Variants in GUCY1A2 observed in about 807,000 individuals in gnomAD.
GUCY1A2 encodes the protein guanylate cyclase 1 soluble subunit alpha 2.
A neutral mutation model predicts 63.5 loss-of-function variants in GUCY1A2; 27 were observed. That is an observed-to-expected ratio of 0.43 (90% CI 0.31 to 0.59). GUCY1A2 has a LOEUF of 0.59. GUCY1A2 is among the 20% of genes least tolerant of loss of function. GUCY1A2 has a pLI of 0.11. For missense variants in GUCY1A2, 768 were observed against 913.3 expected (o/e 0.84, Z 2.05); for synonymous variants, 364 against 343.5 (o/e 1.06, Z -0.66).
chr11:106,826,025 T>A (rs1050623303), intron 4 of GUCY1A2, among the ~76,000 whole-genome samples: 2 of 152,192 alleles, frequency 1.3e-5, no homozygotes, highest in African/African-American at 4.8e-5. Context: ...ACCACAGCCA[T>A]ATTTTGACAT....
At chr11:106,741,937 A>G (rs1412724394) in intron 6 of GUCY1A2, among the ~76,000 whole-genome samples, 4 of 152,346 alleles carry the variant, frequency 2.6e-5, no homozygotes, top group East Asian at 1.9e-4. Context: ...CTAGACAGAT[A>G]AAACTGAATG....
chr11:106,973,873 T>C (rs971696175), intron 3 of GUCY1A2, among the ~76,000 whole-genome samples: 5 of 152,180 alleles, frequency 3.3e-5, no homozygotes, highest in Non-Finnish European at 7.4e-5. Context: ...TTGTTTGTTA[T>C]ATACCATGCT....
chr11:106,754,588 G>A (rs1451997678), intron 6 of GUCY1A2, among the ~76,000 whole-genome samples: 1 of 152,130 alleles, frequency 6.6e-6, no homozygotes, highest in Non-Finnish European at 1.5e-5. Context: ...TTCGTCGACG[G>A]TCTTTTCTGC....
Position 106,914,327 on chromosome 11 carries a change from GT to G in GUCY1A2, c.1206+25132del, listed in dbSNP as rs1316839850. On this transcript the variant is annotated intron_variant, in intron 4 of 7. Transcript: ENST00000526355. ...GCCACTCCTAATGTACATAATTAAT[GT>G]GAAAGTGACCCTACTTTATAAGTTT... is the stretch of plus-strand genomic sequence containing the variant. 6.6e-4 allele frequency among the ~76,000 whole-genome samples: 101 copies of G among 152,158 alleles called. 1 individual carries two copies. Among genetic ancestry groups the G allele is most frequent in the African/African-American group, 2.3e-3 (94 of 41,518 alleles).
chr11:106,959,304 T>G (rs1861029968), intron 3 of GUCY1A2, among the ~76,000 whole-genome samples: 1 of 152,192 alleles, frequency 6.6e-6, no homozygotes, highest in African/African-American at 2.4e-5. Context: ...ATCTGTTTGG[T>G]TTCATTGTTT....
At chr11:106,986,774 AT>A in intron 1 of GUCY1A2, among the ~76,000 whole-genome samples, 1 of 152,300 alleles carries the variant, frequency 6.6e-6, no homozygotes, top group African/African-American at 2.4e-5. Flanking sequence ...GACTTCCTCC[AT>A]GTCCCAAGAG....
chr11:106,722,435 C>A (rs1253114813), intron 6 of GUCY1A2, among the ~76,000 whole-genome samples: 2 of 151,916 alleles, frequency 1.3e-5, no homozygotes, highest in East Asian at 3.9e-4. Context: ...GGTCTAAAAT[C>A]ACTACTGAAA....
At chr11:106,912,605 G>A (rs770471406) in intron 4 of GUCY1A2, among the ~76,000 whole-genome samples, 1 of 152,072 alleles carries the variant, frequency 6.6e-6, no homozygotes, top group Non-Finnish European at 1.5e-5. Flanking sequence ...GTTTAACTGT[G>A]CAGTTCTCTA....
At chr11:106,806,784 T>C (rs909770955) in intron 5 of GUCY1A2, among the ~76,000 whole-genome samples, 3 of 152,220 alleles carry the variant, frequency 2.0e-5, no homozygotes, top group Non-Finnish European at 4.4e-5. Context: ...GCTTGATATA[T>C]GCACAGCAAA....
At chr11:106,948,017 G>GA (rs1860853577) in intron 3 of GUCY1A2, among the ~76,000 whole-genome samples, 2 of 152,020 alleles carry the variant, frequency 1.3e-5, no homozygotes, top group Admixed American at 1.3e-4. Context: ...AGATAAATCA[G>GA]AAAAGAAACA....
intron 4 of GUCY1A2, among the ~76,000 whole-genome samples, chr11:106,825,944 A>G (rs1858963573): frequency 6.6e-6 from 1 of 152,158 alleles, no homozygotes; most frequent in East Asian, 1.9e-4. Flanking sequence ...TCATCAATAT[A>G]AATATTAGCA....
chr11:106,934,333 T>C (rs1054802115), intron 4 of GUCY1A2, among the ~76,000 whole-genome samples: 27 of 152,274 alleles, frequency 1.8e-4, no homozygotes, highest in African/African-American at 6.3e-4. Flanking sequence ...AGTTCAATAT[T>C]TGAAATTCTC....
intron 6 of GUCY1A2, among the ~76,000 whole-genome samples, chr11:106,727,156 A>T (rs2135368442): frequency 6.6e-6 from 1 of 152,346 alleles, no homozygotes; most frequent in South Asian, 2.1e-4. Flanking sequence ...GGAAAAAAGG[A>T]GTCCTTGATA....
chr11:106,880,180 ATG>A (rs1859804488), intron 4 of GUCY1A2, among the ~76,000 whole-genome samples: 1 of 152,070 alleles, frequency 6.6e-6, no homozygotes, highest in African/African-American at 2.4e-5. Flanking sequence ...CCTAAGAAGA[ATG>A]TGTGTTCAGA....
intron 4 of GUCY1A2, among the ~76,000 whole-genome samples, chr11:106,908,581 G>C (rs1860246849): frequency 6.6e-6 from 1 of 151,846 alleles, no homozygotes; most frequent in African/African-American, 2.4e-5. Flanking sequence ...TGCAGAGAGA[G>C]AGGATGATAA....
chr11:106,997,504 TCA>T (rs2120171529), intron 1 of GUCY1A2, among the ~76,000 whole-genome samples: 1 of 151,972 alleles, frequency 6.6e-6, no homozygotes, highest in East Asian at 1.9e-4. Context: ...TGTAAACTCA[TCA>T]CACAGTCTGG....
intron 5 of GUCY1A2, among the ~76,000 whole-genome samples, chr11:106,781,024 GAA>G (rs947808305): frequency 4.8e-5 from 7 of 144,956 alleles, no homozygotes; most frequent in Non-Finnish European, 1.0e-4. Context: ...CAGGAAAAGT[GAA>G]AGTGTCATGT....
intron 1 of GUCY1A2, among the ~76,000 whole-genome samples, chr11:107,009,975 G>T (rs1454640245): frequency 6.6e-6 from 1 of 152,102 alleles, no homozygotes; most frequent in Non-Finnish European, 1.5e-5. Flanking sequence ...CTGAGGATGA[G>T]ACCCAGGAAT....
chr11:106,864,406 T>C (rs906775642), intron 4 of GUCY1A2, among the ~76,000 whole-genome samples: 1 of 152,070 alleles, frequency 6.6e-6, no homozygotes, highest in African/African-American at 2.4e-5. Context: ...TGAATACCCT[T>C]TCTTTCTTTC....
Sources: allele counts gnomAD v4.1 joint callset (sites outside exome capture counted in the v4.1 genomes callset), GRCh38; gene constraint gnomAD v4.1.1; transcripts MANE v1.5; gene names NCBI Gene and HGNC (gene_info 2026-07-23, HGNC 2026-07-21).